The following GTF3C5 variants were observed in gnomAD, a reference collection of about 807,000 sequenced individuals.
GTF3C5 encodes general transcription factor IIIC subunit 5.
GTF3C5 carries 47 observed loss-of-function variants against 61.0 expected under a neutral mutation model. The observed-to-expected ratio is 0.77, with a 90% CI of 0.61 to 0.98. The LOEUF (loss-of-function observed/expected upper bound fraction) is 0.98. Ranked by LOEUF, GTF3C5 falls within the 50% of genes least tolerant of loss-of-function variation. GTF3C5 has a pLI of 0.00. For synonymous variants in GTF3C5, 295 were observed against 275.4 expected (o/e 1.07, Z -0.71); for missense variants, 659 against 703.3 (o/e 0.94, Z 0.71).
intron 1 of GTF3C5, 130 bp from the exon 2 acceptor site, chr9:133,041,957 G>A (rs752874555): frequency 1.2e-5 from 8 of 640,718 alleles, no homozygotes; most frequent in Non-Finnish European, 1.9e-5. Flanking sequence ...GGAATTAAGG[G>A]CCCAGAATGA....
Position 133,042,400 on chromosome 9 carries a change from G to C in GTF3C5, c.373+94G>C, listed in dbSNP as rs577941556. 3.9e-5 allele frequency: 33 copies of C among 851,824 alleles called. No homozygotes were observed. The African/African-American group carries it at 5.4e-4, about 14-fold the overall frequency. 52.8% of individuals were successfully genotyped at this position (851,824 alleles called of 1,614,324 possible). On this transcript the variant is annotated intron_variant, in intron 2 of 10. Transcript: ENST00000372097. ...TGTGTGGGTCATCTGCACCAGTGGA[G>C]GGGGCCAGGATATGCCCAGGGGCTG...
chr9:133,038,714 C>T (rs1201991636), intron 1 of GTF3C5, among the ~76,000 whole-genome samples: 1 of 151,964 alleles, frequency 6.6e-6, no homozygotes, highest in Non-Finnish European at 1.5e-5. Flanking sequence ...AGCTCGGCCT[C>T]CCAAAGTGCT....
At chr9:133,044,037 C>T (rs961833061) in intron 3 of GTF3C5, 111 bp downstream of exon 3, 113 of 738,944 alleles carry the variant, frequency 1.5e-4, no homozygotes, top group Non-Finnish European at 2.2e-4. Flanking sequence ...TCCAGCTACT[C>T]GGGAGGCTGA....
At chr9:133,030,899 A>C, upstream of GTF3C5, 1 of 1,243,834 alleles carries the variant, frequency 8.0e-7, no homozygotes, top group Non-Finnish European at 1.2e-6. Flanking sequence ...GGGAGTTAGG[A>C]TGACGCGAGC....
chr9:133,057,639 C>T (rs1053869869), intron 10 of GTF3C5, among the ~76,000 whole-genome samples, 175 bp from the exon 11 acceptor site: 29 of 152,084 alleles, frequency 1.9e-4, no homozygotes, highest in Admixed American at 5.2e-4. Flanking sequence ...CCTGGGTGCC[C>T]GTCAAACTAC....
intron 1 of GTF3C5, among the ~76,000 whole-genome samples, chr9:133,033,759 A>G (rs1415248419): frequency 6.6e-6 from 1 of 152,194 alleles, no homozygotes; most frequent in Non-Finnish European, 1.5e-5. Context: ...CAAGTGTAAC[A>G]ATCACTTTTG....
intron 8 of GTF3C5, chr9:133,055,340 T>A: frequency 7.4e-7 from 1 of 1,348,542 alleles, no homozygotes; most frequent in Non-Finnish European, 9.7e-7. Flanking sequence ...CACGGTGGAA[T>A]CACCTGCTGA....
rs768532181 is a variant in GTF3C5 at position 133,050,783 on chromosome 9, G to A, written c.573G>A (p.Arg191=). The A allele has an allele frequency of 1.2e-6, 2 of 1,610,182 alleles. No homozygotes were observed. Among genetic ancestry groups the A allele is most frequent in the East Asian group, 2.2e-5 (1 of 44,566 alleles). The change falls in exon 4 of 11, where the codon CGG becomes CGA. Residue 191 remains arginine (R), a splice_region_variant and synonymous_variant. Transcript: ENST00000372097. ...DYFYRPETQH[R]EGYNNPPISG... ...TCTCACCTGTACTCTCTGCCCCCAG[G>A]GAAGGCTACAACAATCCCCCCATCT...
At chr9:133,041,049 G>A (rs537116225) in intron 1 of GTF3C5, among the ~76,000 whole-genome samples, 39 of 152,374 alleles carry the variant, frequency 2.6e-4, no homozygotes, top group Admixed American at 1.2e-3. Context: ...ACAAGAGTGC[G>A]AGCCTTCTGT....
rs1382369460 is a variant in GTF3C5, at chr9:133,031,116, T to C, written c.105T>C (p.Asp35=). Residue 35 remains aspartate, a synonymous_variant, in exon 1 of 11, where the codon GAT becomes GAC. Coordinates refer to ENST00000372097, the MANE Select transcript of GTF3C5 (RefSeq NM_012087.4). ...TGGAGTACCCGGGAGTGGTGCGTGA[T>C]GTGGCTAAGATGCTGCCGACTCTGG... ...VCVEYPGVVR[D]VAKMLPTLGG... is the part of the protein sequence containing the mutation. The C allele has an allele frequency of 2.5e-6, 4 of 1,602,860 alleles. No homozygotes were observed. The highest frequency in any genetic ancestry group is 3.4e-6 in the Non-Finnish European group (4 of 1,174,148).
intron 6 of GTF3C5, 48 bp from the exon 7 acceptor site, chr9:133,054,360 C>G: frequency 6.7e-7 from 1 of 1,488,338 alleles, no homozygotes. Flanking sequence ...TGTTGTGTGC[C>G]GACGGGCCCT....
At chr9:133,041,919 T>C (rs1158675647) in intron 1 of GTF3C5, among the ~76,000 whole-genome samples, 168 bp from the exon 2 acceptor site, 1 of 152,152 alleles carries the variant, frequency 6.6e-6, no homozygotes, top group African/African-American at 2.4e-5. Flanking sequence ...AAAACTAAGA[T>C]ACATGGGTTT....
At chr9:133,047,787 G>C (rs1850250153) in intron 3 of GTF3C5, among the ~76,000 whole-genome samples, 4 of 152,202 alleles carry the variant, frequency 2.6e-5, no homozygotes, top group Non-Finnish European at 5.9e-5. Flanking sequence ...CTCCCAAAGT[G>C]CTGGGATTAC....
rs760712648 is a variant in GTF3C5 at position 133,031,070 on chromosome 9, G to A, written c.59G>A (p.Arg20Gln). Residue 20 changes from arginine to glutamine, a missense_variant, in exon 1 of 11, where the codon CGG becomes CAG. Coordinates refer to ENST00000372097, the MANE Select transcript of GTF3C5 (RefSeq NM_012087.4). ...LGAAVPVELR[R>Q]ERRMVCVEYP... ...GCCGCCGTCCCCGTGGAGCTGAGGC[G>A]GGAGCGACGCATGGTGTGCGTGGAG... 6 of 1,611,084 alleles carry A rather than the reference G, an allele frequency of 3.7e-6. No homozygotes were observed. The East Asian group carries it at 1.3e-4, about 36-fold the overall frequency.
Position 133,050,798 on chromosome 9 carries a change from T to C in GTF3C5, c.588T>C (p.Asn196=), listed in dbSNP as rs1249128555. 2 of 1,612,750 alleles carry C rather than the reference T, an allele frequency of 1.2e-6. No homozygotes were observed. The highest frequency in any genetic ancestry group is 4.5e-5 in the East Asian group (2 of 44,800). Residue 196 remains asparagine, a synonymous_variant, in exon 4 of 11, where the codon AAT becomes AAC. Coordinates refer to ENST00000372097, the MANE Select transcript of GTF3C5 (RefSeq NM_012087.4). ...PETQHREGYN[N]PPISGENLIG... Reference sequence around the variant, plus strand: ...CTGCCCCCAGGGAAGGCTACAACAATCCCCCCATCTCAGGTGAGAATCTGA... The same window carrying C: ...CTGCCCCCAGGGAAGGCTACAACAACCCCCCCATCTCAGGTGAGAATCTGA...
intron 3 of GTF3C5, 155 bp downstream of exon 3, chr9:133,044,081 G>A: frequency 2.0e-6 from 1 of 512,426 alleles, no homozygotes; most frequent in Non-Finnish European, 3.5e-6. Flanking sequence ...GGAGGCGGAG[G>A]TTGCAGTGAG....
chr9:133,043,658 T>G, intron 2 of GTF3C5, 70 bp from the exon 3 acceptor site: 3 of 1,231,586 alleles, frequency 2.4e-6, no homozygotes, highest in Non-Finnish European at 3.6e-6. Context: ...TAAGCAGATG[T>G]GGGTGTCGGT....
chr9:133,049,087 A>G (rs572551939), intron 3 of GTF3C5, among the ~76,000 whole-genome samples: 3 of 152,292 alleles, frequency 2.0e-5, no homozygotes, highest in East Asian at 1.9e-4. Context: ...CCTGTTCCTC[A>G]GGGACTCTCC....
At chr9:133,047,703 G>A (rs759004693) in intron 3 of GTF3C5, among the ~76,000 whole-genome samples, 2 of 152,078 alleles carry the variant, frequency 1.3e-5, no homozygotes, top group Non-Finnish European at 2.9e-5. Flanking sequence ...TGTATTTTTA[G>A]TAAAGACGGG....
Sources: allele counts gnomAD v4.1 joint callset (sites outside exome capture counted in the v4.1 genomes callset), GRCh38; gene constraint gnomAD v4.1.1; transcripts MANE v1.5; gene names NCBI Gene and HGNC (gene_info 2026-07-23, HGNC 2026-07-21).